Variants in PSMD13 observed in about 807,000 individuals in gnomAD.
The protein encoded by PSMD13 is proteasome 26S subunit, non-ATPase 13.
Under a neutral mutation model 57.4 loss-of-function variants are expected in PSMD13, and 8 were observed. The observed-to-expected ratio is 0.14, with a 90% CI of 0.08 to 0.25. PSMD13 has a LOEUF of 0.25. Among genes scored for constraint, PSMD13 ranks in the 10% least tolerant of loss-of-function variants. The pLI is 1.00. For synonymous variants in PSMD13, 193 were observed against 168.2 expected (o/e 1.15, Z -1.14); for missense variants, 400 against 461.5 (o/e 0.87, Z 1.22).
Position 248,777 on chromosome 11 carries a change from G to A in PSMD13, c.570G>A (p.Val190=). Residue 190 remains valine (V), a splice_region_variant and synonymous_variant, in exon 8 of 13, where the codon GTG becomes GTA. Coordinates refer to ENST00000532097, the MANE Select transcript of PSMD13 (RefSeq NM_002817.4). ...AGTGGGCCTGTGTTGCTACCATAGTGTCTGAGCAGCAGGAGAGAGCCTTCA... is the reference window on the plus strand; with the variant it reads ...AGTGGGCCTGTGTTGCTACCATAGTATCTGAGCAGCAGGAGAGAGCCTTCA... ...LGCVDIKDLP[V]SEQQERAFTL... is the part of the protein sequence containing the mutation. 1 of 1,614,008 alleles carries A rather than the reference G, an allele frequency of 6.2e-7. No homozygotes were observed. Among genetic ancestry groups the A allele is most frequent in the South Asian group, 1.1e-5 (1 of 91,084 alleles).
Position 248,780 on chromosome 11 carries a change from T to C in PSMD13, c.573T>C (p.Ser191=), listed in dbSNP as rs1859707019. ...GGGCCTGTGTTGCTACCATAGTGTC[T>C]GAGCAGCAGGAGAGAGCCTTCACGC... ...GCVDIKDLPV[S]EQQERAFTLG... The change falls in exon 8 of 13, where the codon TCT becomes TCC. Residue 191 remains serine (S), a synonymous_variant. Coordinates refer to ENST00000532097, the MANE Select transcript of PSMD13 (RefSeq NM_002817.4). 3 of 1,614,016 alleles carry C rather than the reference T, an allele frequency of 1.9e-6. No homozygotes were observed. Among genetic ancestry groups the C allele is most frequent in the East Asian group, 2.2e-5 (1 of 44,908 alleles).
chr11:240,986 C>T (rs1022600695), intron 2 of PSMD13, among the ~76,000 whole-genome samples: 4 of 152,180 alleles, frequency 2.6e-5, no homozygotes, highest in South Asian at 4.1e-4. Context: ...CACCCGCCAC[C>T]ACGCCTGGAT....
chr11:252,303 G>T lies in PSMD13; in HGVS notation c.1036-202G>T. The T allele has an allele frequency of 1.8e-6, 1 of 563,400 alleles. No homozygotes were observed. The highest frequency in any genetic ancestry group is 3.0e-5 in the Admixed American group (1 of 32,790). The allele number at this position is 563,400 out of a possible 1,614,324, so 34.9% of individuals were successfully genotyped here. A position where few individuals can be genotyped will look rare whatever the true frequency, so the allele number is the denominator to read the frequency against. ...TCTGTCCTTGTCTGCTTTCTTTCAT[G>T]CAAGTTTTTTCTAACGTTCCTGTGA... On this transcript the variant is annotated intron_variant, in intron 12 of 12. Transcript: ENST00000532097. The surrounding 1 kb of genome is among the most constrained non-coding windows in gnomAD (Gnocchi z 4.1).
rs915594745 is a variant in PSMD13 at position 240,546 on chromosome 11, C to T, written c.174+1470C>T. ...ACATGACAAAATATTTCCTCAACCT[C>T]ATGGTAAGGTGATGTTTATTTAGGT... On this transcript the variant is annotated intron_variant, in intron 2 of 12. Transcript: ENST00000532097. Among the ~76,000 whole-genome samples the T allele has an allele frequency of 3.3e-5, 5 of 152,332 alleles. No homozygotes were observed. In the South Asian group the frequency reaches 1.0e-3, roughly 32 times the overall value.
In PSMD13 at chr11:247,289, G is replaced by A. The variant is rs201907126; in HGVS notation, c.409G>A (p.Asp137Asn). The change falls in exon 7 of 13, where the codon GAT becomes AAT. Residue 137 changes from aspartate to asparagine, a missense_variant. By Grantham distance (23) the Asp-to-Asn change is conservative (BLOSUM62 1). Transcript: ENST00000532097. ...DLQVTKETIE[D>N]VEEMLNNLPG... is the part of the protein sequence containing the mutation. ...TTCCTGTGTATAGGAAACAATTGAA[G>A]ATGTTGAAGAAATGCTCAACAACCT... The A allele has an allele frequency of 1.2e-6, 2 of 1,611,606 alleles. No individual in the cohort carries two copies. Among genetic ancestry groups the A allele is most frequent in the Admixed American group, 3.4e-5 (2 of 59,354 alleles).
rs960245503 is a variant in PSMD13, at chr11:247,520, G to A, written c.568+72G>A. 7.9e-6 allele frequency: 12 copies of A among 1,520,306 alleles called. No individual in the cohort carries two copies. The African/African-American group carries it at 1.5e-4, about 19-fold the overall frequency. 94.2% of individuals were successfully genotyped at this position (1,520,306 alleles called of 1,614,324 possible). On this transcript the variant is annotated intron_variant, in intron 7 of 12. Coordinates refer to ENST00000532097, the MANE Select transcript of PSMD13 (RefSeq NM_002817.4). The stretch of plus-strand genomic sequence containing the variant: ...AACTTAGCATCTGTGAGTTGCTTGA[G>A]GTGACAGTTCTCAGAAATTACTAAG...
rs1859712726 is a variant in PSMD13, at chr11:248,980, C to G, written c.697C>G (p.Leu233Val). 6.2e-7 allele frequency: 1 copy of G among 1,614,048 alleles called. No homozygotes were observed. Residue 233 changes from leucine (L) to valine (V), a missense_variant, in exon 9 of 13, where the codon CTG (leucine) becomes GTG (valine). By Grantham distance (32) the Leu-to-Val change is conservative. Transcript: ENST00000532097. Reference protein sequence around the residue: ...ESLRNTDRQWLIDTLYAFNSG... With the variant: ...ESLRNTDRQWVIDTLYAFNSG... Reference sequence around the variant, plus strand: ...CCTGAGGAATACTGACCGGCAGTGGCTGATTGACACCCTCTATGCCTTCAA... The same window carrying G: ...CCTGAGGAATACTGACCGGCAGTGGGTGATTGACACCCTCTATGCCTTCAA...
chr11:244,636 A>C, intron 5 of PSMD13, 39 bp from the exon 6 acceptor site: 1 of 1,581,702 alleles, frequency 6.3e-7, no homozygotes, highest in Non-Finnish European at 8.7e-7. Flanking sequence ...TCAACTGCCC[A>C]CATTCTGAGG....
chr11:246,919 C>T (rs1044081947), intron 6 of PSMD13, among the ~76,000 whole-genome samples: 8 of 152,066 alleles, frequency 5.3e-5, no homozygotes, highest in Middle Eastern at 3.2e-3. Context: ...TTTTATATTT[C>T]CTTGGTCATA....
At chr11:249,420 A>G (rs1859725120) in intron 9 of PSMD13, among the ~76,000 whole-genome samples, 1 of 152,010 alleles carries the variant, frequency 6.6e-6, no homozygotes, top group African/African-American at 2.4e-5. Context: ...AGAAAACGGA[A>G]AAGTTTAGTA....
At position 247,447 on chromosome 11, in the gene PSMD13, A is replaced by G; in HGVS notation, c.567A>G (p.Pro189=). ...FLGCVDIKDL[P]VSEQQERAFT... ...GCTGTGTTGACATCAAGGATCTACC[A>G]GGTAACCTAGGCCATTAAATCCATG... The change falls in exon 7 of 13, where the codon CCA becomes CCG. Residue 189 remains proline, a splice_region_variant and synonymous_variant. Transcript: ENST00000532097. 1 of 1,612,948 alleles carries G rather than the reference A, an allele frequency of 6.2e-7. No individual in the cohort carries two copies. The highest frequency in any genetic ancestry group is 8.5e-7 in the Non-Finnish European group (1 of 1,179,502).
intron 2 of PSMD13, among the ~76,000 whole-genome samples, chr11:241,950 A>T (rs1382129081): frequency 2.0e-5 from 3 of 151,858 alleles, no homozygotes; most frequent in Non-Finnish European, 4.4e-5. Context: ...AACATAATGT[A>T]TTTTTTTCTT....
rs200386830 is a variant in PSMD13 at position 251,535 on chromosome 11, A to T, written c.838-11A>T. 11 of 1,603,986 alleles carry T rather than the reference A, an allele frequency of 6.9e-6. No individual in the cohort carries two copies. The highest frequency in any genetic ancestry group is 8.5e-6 in the Non-Finnish European group (10 of 1,172,560). ...AAAATAGTTTAAAATAGTTAATAAA[A>T]TTTTTTCCAGATGACTTTCACACGA... is the stretch of plus-strand genomic sequence containing the variant. On this transcript the variant is annotated splice_polypyrimidine_tract_variant and intron_variant, in intron 10 of 12. Coordinates refer to ENST00000532097, the MANE Select transcript of PSMD13 (RefSeq NM_002817.4). The surrounding 1 kb of genome is among the most constrained non-coding windows in gnomAD (Gnocchi z 4.6).
chr11:248,881 C>A (rs780489937), intron 8 of PSMD13, 26 bp downstream of exon 8: 13 of 1,614,118 alleles, frequency 8.1e-6, no homozygotes, highest in Non-Finnish European at 1.1e-5. Context: ...GCTCAGCTTC[C>A]TTAACGAGAG....
chr11:238,661 A>C (rs949238002), intron 1 of PSMD13, among the ~76,000 whole-genome samples: 3 of 152,112 alleles, frequency 2.0e-5, no homozygotes, highest in Non-Finnish European at 4.4e-5. Flanking sequence ...ACAGAGTCAG[A>C]CTCTGTCTCA....
chr11:250,394 G>A (rs889443435), intron 9 of PSMD13, among the ~76,000 whole-genome samples: 1 of 152,176 alleles, frequency 6.6e-6, no homozygotes, highest in Non-Finnish European at 1.5e-5. Flanking sequence ...CCTCAGAGGG[G>A]CTCCACTTGC....
chr11:243,917 G>A (rs1048995885), intron 2 of PSMD13, 124 bp from the exon 3 acceptor site: 1 of 914,734 alleles, frequency 1.1e-6, no homozygotes, highest in Non-Finnish European at 1.7e-6. Context: ...GCTGGGCACT[G>A]TGGCTTGCAC....
chr11:247,160 A>C, intron 6 of PSMD13, 117 bp from the exon 7 acceptor site: 1 of 973,600 alleles, frequency 1.0e-6, no homozygotes, highest in African/African-American at 1.7e-5. Context: ...AGGTGGGAGG[A>C]TCACTTGAGG....
chr11:248,086 A>G lies in PSMD13; in HGVS notation c.568+638A>G, dbSNP rs183617655. 1,032 of 133,912 alleles carry G rather than the reference A, an allele frequency of 7.7e-3. 10 individuals are homozygous for G. The highest frequency in any genetic ancestry group is 0.07 in the South Asian group (273 of 3,888). The allele number at this position is 133,912 out of a possible 1,614,324, so 8.3% of individuals were successfully genotyped here. Reference sequence around the variant, plus strand: ...CCCTCCCCGCCCACCCCTCTGCTGCAGAATAAAGGGCACGTGAAATCCCTG... The same window carrying G: ...CCCTCCCCGCCCACCCCTCTGCTGCGGAATAAAGGGCACGTGAAATCCCTG... On this transcript the variant is annotated intron_variant, in intron 7 of 12. Transcript: ENST00000532097.
Sources: allele counts gnomAD v4.1 joint callset (sites outside exome capture counted in the v4.1 genomes callset), GRCh38; gene constraint gnomAD v4.1.1; non-coding constraint Gnocchi (gnomAD v3.1); transcripts MANE v1.5; gene names NCBI Gene and HGNC (gene_info 2026-07-23, HGNC 2026-07-21).